Variants in CES1 observed in about 807,000 individuals in gnomAD.
The protein encoded by CES1 is liver carboxylesterase 1.
CES1 carries 50 observed loss-of-function variants against 53.0 expected under a neutral mutation model. The ratio of observed to expected loss-of-function variants is 0.94; its 90% CI spans 0.75 to 1.19. CES1 has a LOEUF of 1.19. Among genes scored for constraint, CES1 ranks in the 50% most tolerant of loss-of-function variants. The pLI is 0.00. For missense variants in CES1, 534 were observed against 538.0 expected (o/e 0.99, Z 0.07); for synonymous variants, 202 against 210.1 (o/e 0.96, Z 0.33).
chr16:55,816,759 C>T (rs560231858), intron 8 of CES1, among the ~76,000 whole-genome samples, 165 bp downstream of exon 8: 18 of 152,308 alleles, frequency 1.2e-4, no homozygotes, highest in Admixed American at 5.2e-4. Context: ...CACTAGTCTT[C>T]CTGGCTGTGT....
chr16:55,813,156 A>G (rs1250505609), intron 8 of CES1, 113 bp from the exon 9 acceptor site: 1 of 1,414,338 alleles, frequency 7.1e-7, no homozygotes, highest in East Asian at 2.3e-5. Context: ...GCCATGCGCC[A>G]TGGCTGCACA....
In CES1 at chr16:55,826,256, C is replaced by T. The variant is rs557249281; in HGVS notation, c.300G>A (p.Glu100=). Residue 100 remains glutamate, a synonymous_variant, in exon 3 of 14, where the codon GAG becomes GAA. Transcript: ENST00000360526. ...QDPKAGQLLS[E]LFTNRKENIP... Reference sequence around the variant, plus strand: ...TGTTCTCCTTTCGGTTTGTAAATAGCTCTGAGAGTAACTGCCCCGCCTTGG... The same window carrying T: ...TGTTCTCCTTTCGGTTTGTAAATAGTTCTGAGAGTAACTGCCCCGCCTTGG... 1.3e-5 allele frequency: 21 copies of T among 1,613,948 alleles called. No homozygotes were observed. Among genetic ancestry groups the T allele is most frequent in the South Asian group, 7.7e-5 (7 of 91,070 alleles).
intron 8 of CES1, among the ~76,000 whole-genome samples, chr16:55,813,664 G>A (rs1410877978): frequency 6.6e-6 from 1 of 152,042 alleles, no homozygotes; most frequent in African/African-American, 2.4e-5. Context: ...CCAAATGCAC[G>A]GCCAGCAGCA....
At chr16:55,821,033 T>A (rs1395495052) in intron 5 of CES1, among the ~76,000 whole-genome samples, 1 of 151,526 alleles carries the variant, frequency 6.6e-6, no homozygotes, top group Non-Finnish European at 1.5e-5. Flanking sequence ...AGAGAAGGGA[T>A]GTGAGTCCTT....
intron 4 of CES1, among the ~76,000 whole-genome samples, chr16:55,821,771 G>A (rs1373387412): frequency 6.6e-6 from 1 of 152,192 alleles, no homozygotes; most frequent in Admixed American, 6.5e-5. Context: ...ACATCTGAGA[G>A]CAAAACAGGC....
intron 9 of CES1, 128 bp from the exon 10 acceptor site, chr16:55,811,138 T>C: frequency 1.3e-6 from 1 of 783,234 alleles, no homozygotes; most frequent in Non-Finnish European, 2.2e-6. Context: ...AGGGCATGAG[T>C]CTTTACTGAA....
chr16:55,822,061 G>T (rs2032222258), intron 4 of CES1, among the ~76,000 whole-genome samples: 1 of 152,248 alleles, frequency 6.6e-6, no homozygotes, highest in Admixed American at 6.5e-5. Flanking sequence ...ATTCCAGGCA[G>T]AAGAAAAAGC....
Position 55,809,093 on chromosome 16 carries a change from C to CAAAAAAAA in CES1, c.1318+1416_1318+1423dup, listed in dbSNP as rs376932562. 9.1e-3 allele frequency among the ~76,000 whole-genome samples: 654 copies of CAAAAAAAA among 71,954 alleles called. 99 individuals are homozygous for CAAAAAAAA. Among genetic ancestry groups the CAAAAAAAA allele is most frequent in the African/African-American group, 0.03 (534 of 17,948 alleles). 47.2% of individuals were successfully genotyped at this position (71,954 alleles called of 152,430 possible). ...GTAGATAAAATCTGTGTAGTCCTGGCAAAAAAAAAAAAAAAAAAGCCCTGA... is the reference window on the plus strand; with the variant it reads ...GTAGATAAAATCTGTGTAGTCCTGGCAAAAAAAAAAAAAAAAAAAAAAAAAAGCCCTGA... On this transcript the variant is annotated intron_variant, in intron 11 of 13. Coordinates refer to ENST00000360526, the MANE Select transcript of CES1 (RefSeq NM_001025195.2).
intron 4 of CES1, 115 bp from the exon 5 acceptor site, chr16:55,821,636 A>G (rs2032202962): frequency 9.1e-7 from 1 of 1,103,938 alleles, no homozygotes; most frequent in Admixed American, 1.9e-5. Flanking sequence ...GCTGGGCTTC[A>G]GCATCTCTGA....
intron 8 of CES1, among the ~76,000 whole-genome samples, chr16:55,814,866 C>T (rs1342929292): frequency 6.6e-6 from 1 of 152,218 alleles, no homozygotes; most frequent in Non-Finnish European, 1.5e-5. Flanking sequence ...AGATCCTAAT[C>T]CAATATGGCT....
chr16:55,819,207 T>A (rs2032070105), intron 7 of CES1, among the ~76,000 whole-genome samples: 1 of 152,232 alleles, frequency 6.6e-6, no homozygotes, highest in South Asian at 2.1e-4. Flanking sequence ...GCTTAATATC[T>A]CCATCCCCCA....
At chr16:55,824,016 C>T (rs114307803) in intron 3 of CES1, among the ~76,000 whole-genome samples, 6,442 of 152,224 alleles carry the variant, frequency 0.042, 154 homozygotes, top group Middle Eastern at 0.12. Flanking sequence ...ACACTCCCAT[C>T]ACCCTCAAGC....
At chr16:55,811,588 G>A in intron 9 of CES1, among the ~76,000 whole-genome samples, 1 of 152,160 alleles carries the variant, frequency 6.6e-6, no homozygotes, top group East Asian at 1.9e-4. Context: ...GCAGCTTAAG[G>A]CTGTGTCCCT....
intron 1 of CES1, among the ~76,000 whole-genome samples, chr16:55,832,012 C>T (rs1178874764): frequency 1.3e-5 from 2 of 149,688 alleles, no homozygotes; most frequent in African/African-American, 5.1e-5. Context: ...TCCCAGGGTC[C>T]AGCCACCCCA....
intron 7 of CES1, 152 bp from the exon 8 acceptor site, chr16:55,817,114 C>T (rs1376458979): frequency 2.3e-6 from 2 of 882,044 alleles, no homozygotes; most frequent in South Asian, 1.3e-5. Context: ...TCTCCCTGAA[C>T]ATGAATATTA....
chr16:55,808,774 G>C (rs547428698), intron 11 of CES1, among the ~76,000 whole-genome samples: 2 of 152,218 alleles, frequency 1.3e-5, no homozygotes, highest in East Asian at 3.8e-4. Context: ...CCATTTCATG[G>C]AATAAGGAAT....
chr16:55,819,421 T>A, intron 7 of CES1, 114 bp downstream of exon 7: 4 of 807,044 alleles, frequency 5.0e-6, no homozygotes, highest in Admixed American at 3.4e-5. Flanking sequence ...CCCATTCAGA[T>A]ACTGAGAGTT....
Position 55,820,987 on chromosome 16 carries a change from C to T in CES1, c.693+381G>A, listed in dbSNP as rs187875289. Among the ~76,000 whole-genome samples the T allele has an allele frequency of 3.2e-3, 492 of 152,282 alleles. 11 individuals are homozygous for T. Among genetic ancestry groups the T allele is most frequent in the Non-Finnish European group, 1.0e-3 (71 of 68,018 alleles). Reference sequence around the variant, plus strand: ...TCTGTCCACCTCTTCTCTCTGCCTGCCCTTACTCATAATTTATGCCTATTC... The same window carrying T: ...TCTGTCCACCTCTTCTCTCTGCCTGTCCTTACTCATAATTTATGCCTATTC... On this transcript the variant is annotated intron_variant, in intron 5 of 13. Transcript: ENST00000360526.
intron 8 of CES1, among the ~76,000 whole-genome samples, chr16:55,813,904 G>A (rs552975100): frequency 3.2e-4 from 49 of 152,272 alleles, no homozygotes; most frequent in African/African-American, 8.7e-4. Context: ...AGGTTGCCTC[G>A]CCGGATCTCA....
Sources: allele counts gnomAD v4.1 joint callset (sites outside exome capture counted in the v4.1 genomes callset), GRCh38; gene constraint gnomAD v4.1.1; transcripts MANE v1.5; gene names NCBI Gene and HGNC (gene_info 2026-07-23, HGNC 2026-07-21).